The following CPNE3 variants were observed in gnomAD, a reference collection of about 807,000 sequenced individuals.
CPNE3 encodes copine 3, also known as copine-3.
Under a neutral mutation model 63.9 loss-of-function variants are expected in CPNE3, and 68 were observed. The ratio of observed to expected loss-of-function variants is 1.06; its 90% confidence interval spans 0.87 to 1.30. The LOEUF is 1.30. CPNE3 is among the 50% of genes most tolerant of loss of function. The pLI, the probability that CPNE3 is intolerant of heterozygous loss-of-function variation, is 0.00. For missense variants in CPNE3, 665 were observed against 578.1 expected (o/e 1.15, Z -1.54); for synonymous variants, 219 against 197.5 (o/e 1.11, Z -0.91).
chr8:86,534,694 G>A (rs1820766068), intron 6 of CPNE3, among the ~76,000 whole-genome samples: 3 of 152,022 alleles, frequency 2.0e-5, no homozygotes, highest in South Asian at 4.1e-4. Flanking sequence ...TAGTGATATC[G>A]TCACTCTATC....
At chr8:86,529,513 C>T (rs1212881224) in intron 4 of CPNE3, among the ~76,000 whole-genome samples, 2 of 152,154 alleles carry the variant, frequency 1.3e-5, no homozygotes, top group Non-Finnish European at 2.9e-5. Context: ...CGCAATGCCC[C>T]AATACCATCC....
At chr8:86,555,515 T>TTAACTAATATTG (rs1821303435) in intron 15 of CPNE3, among the ~76,000 whole-genome samples, 1 of 152,206 alleles carries the variant, frequency 6.6e-6, no homozygotes, top group Non-Finnish European at 1.5e-5. Flanking sequence ...TCAACATATG[T>TTAACTAATATTG]TAACTAATAT....
Position 86,529,013 on chromosome 8 carries a change from C to T in CPNE3, c.201C>T (p.Tyr67=). ...TTTCCAAGACATTTATTATTGATTA[C>T]TACTTTGAAGTGGTTCAGAAATTGA... ...PQFSKTFIID[Y]YFEVVQKLKF... The change falls in exon 4 of 17, where the codon TAC becomes TAT. Residue 67 remains tyrosine (Y), a synonymous_variant. Transcript: ENST00000517490. 7 of 1,613,600 alleles carry T rather than the reference C, an allele frequency of 4.3e-6. No homozygotes were observed. Among genetic ancestry groups the T allele is most frequent in the Non-Finnish European group, 5.9e-6 (7 of 1,179,616 alleles).
intron 8 of CPNE3, among the ~76,000 whole-genome samples, chr8:86,543,444 A>G (rs1020012479): frequency 6.6e-6 from 1 of 152,196 alleles, no homozygotes; most frequent in Non-Finnish European, 1.5e-5. Context: ...CACTTTGCCA[A>G]GTAAACATAA....
intron 15 of CPNE3, 60 bp downstream of exon 15, chr8:86,555,044 A>G (rs1454434326): frequency 1.2e-6 from 2 of 1,602,476 alleles, no homozygotes; most frequent in Non-Finnish European, 1.7e-6. Context: ...TCCTGGTGCC[A>G]TTTTTCTATG....
intron 4 of CPNE3, 149 bp downstream of exon 4, chr8:86,529,273 A>G (rs1207142489): frequency 1.6e-6 from 1 of 626,910 alleles, no homozygotes; most frequent in African/African-American, 1.8e-5. Flanking sequence ...ATTGGCTTGA[A>G]CATTATAGAA....
At chr8:86,522,397 C>T (rs773722211) in intron 2 of CPNE3, among the ~76,000 whole-genome samples, 2 of 152,048 alleles carry the variant, frequency 1.3e-5, no homozygotes, top group African/African-American at 2.4e-5. Context: ...GAGCTACAAG[C>T]GCTTCTGTTG....
At chr8:86,528,705 T>C in intron 3 of CPNE3, 28 bp downstream of exon 3, 1 of 1,585,866 alleles carries the variant, frequency 6.3e-7, no homozygotes, top group Non-Finnish European at 8.5e-7. Flanking sequence ...ACCTAAAAAG[T>C]AATCTGAATT....
intron 2 of CPNE3, among the ~76,000 whole-genome samples, chr8:86,520,465 G>A (rs534911335): frequency 8.6e-5 from 13 of 151,358 alleles, no homozygotes; most frequent in African/African-American, 3.1e-4. Flanking sequence ...TGAGGCAGGA[G>A]AATCACTTGA....
chr8:86,529,754 CAT>C (rs1820627810), intron 4 of CPNE3, among the ~76,000 whole-genome samples: 1 of 152,066 alleles, frequency 6.6e-6, no homozygotes, highest in African/African-American at 2.4e-5. Context: ...TAATCTGATT[CAT>C]AAGGAGAGAT....
At chr8:86,523,128 A>G (rs1820470909) in intron 2 of CPNE3, among the ~76,000 whole-genome samples, 1 of 152,244 alleles carries the variant, frequency 6.6e-6, no homozygotes, top group African/African-American at 2.4e-5. Flanking sequence ...TACAATTCAT[A>G]GAGTGTCTAT....
chr8:86,527,946 A>ATTTTTTTTTTTTT (rs869225401), intron 2 of CPNE3, among the ~76,000 whole-genome samples: 1,328 of 85,934 alleles, frequency 0.015, 211 homozygotes, highest in African/African-American at 0.034. Context: ...GTAAAAAGAA[A>ATTTTTTTTTTTTT]TTTTTTTTTT....
At chr8:86,539,649 A>G (rs952192324) in intron 7 of CPNE3, among the ~76,000 whole-genome samples, 9 of 148,580 alleles carry the variant, frequency 6.1e-5, no homozygotes, top group Non-Finnish European at 1.3e-4. Flanking sequence ...TAAAATCAAT[A>G]ATCCTCCGCA....
chr8:86,548,245 C>G, intron 11 of CPNE3, 56 bp from the exon 12 acceptor site: 1 of 1,588,584 alleles, frequency 6.3e-7, no homozygotes, highest in South Asian at 1.1e-5. Flanking sequence ...TCCTGGACAT[C>G]AAGCACAGGT....
chr8:86,540,041 G>A (rs1366627871), intron 7 of CPNE3, among the ~76,000 whole-genome samples: 1 of 152,124 alleles, frequency 6.6e-6, no homozygotes, highest in South Asian at 2.1e-4. Flanking sequence ...TCCTCAGAAT[G>A]TATCACAACT....
rs143761175 is a variant in CPNE3 at position 86,530,248 on chromosome 8, C to T, written c.313-907C>T. Reference sequence around the variant, plus strand: ...GTCGTGGCTCAATCACAGCTCACTACAGCCTTGACCTCCCGGGTTCAAGTG... The same window carrying T: ...GTCGTGGCTCAATCACAGCTCACTATAGCCTTGACCTCCCGGGTTCAAGTG... On this transcript the variant is annotated intron_variant, in intron 4 of 16. Coordinates refer to ENST00000517490, the MANE Select transcript of CPNE3 (RefSeq NM_003909.5). Among the ~76,000 whole-genome samples the T allele has an allele frequency of 1.1e-4, 16 of 150,692 alleles. No individual in the cohort carries two copies. The East Asian group carries it at 2.0e-3, about 18-fold the overall frequency.
chr8:86,555,979 G>A (rs1196050138), intron 15 of CPNE3, 123 bp from the exon 16 acceptor site: 1 of 691,620 alleles, frequency 1.4e-6, no homozygotes, highest in Admixed American at 2.1e-5. Context: ...ATTTTATGTG[G>A]TGGTAGCTAG....
In CPNE3 at chr8:86,529,131, A is replaced by G. The variant is rs559357727; in HGVS notation, c.312+7A>G. The G allele has an allele frequency of 4.4e-6, 7 of 1,607,890 alleles. No individual in the cohort carries two copies. The highest frequency in any genetic ancestry group is 4.0e-5 in the African/African-American group (3 of 74,860). ...TGAATGTACCCTTGGACAAGTAAGTATAAATAGCCACTGTACTCTATTTTG... is the reference window on the plus strand; with the variant it reads ...TGAATGTACCCTTGGACAAGTAAGTGTAAATAGCCACTGTACTCTATTTTG... On this transcript the variant is annotated splice_region_variant and intron_variant, in intron 4 of 16. Transcript: ENST00000517490.
chr8:86,558,176 A>T, intron 16 of CPNE3, 112 bp from the exon 17 acceptor site: 2 of 764,942 alleles, frequency 2.6e-6, no homozygotes, highest in South Asian at 3.1e-5. Context: ...GTACAGGCCT[A>T]TGAATTAGAA....
Sources: gnomAD v4.1 joint callset for allele counts (sites outside exome capture counted in the v4.1 genomes callset) on GRCh38, gnomAD v4.1.1 for gene constraint, MANE v1.5 for transcripts, NCBI Gene and HGNC (gene_info 2026-07-23, HGNC 2026-07-21) for gene names.